The following DMXL1 variants were observed in gnomAD, a reference collection of about 807,000 sequenced individuals.
DMXL1 encodes the protein Dmx like 1.
A neutral mutation model predicts 319.2 loss-of-function variants in DMXL1; 99 were observed. The observed-to-expected ratio is 0.31, with a 90% CI of 0.26 to 0.37. The LOEUF is 0.37. DMXL1 is among the 10% of genes least tolerant of loss of function. The pLI is 1.00. For missense variants in DMXL1, 3,745 were observed against 3,595.6 expected, an observed-to-expected ratio of 1.04 and a Z score of -1.06; for synonymous variants, 1,385 against 1,235.2, an observed-to-expected ratio of 1.12 and a Z score of -2.54.
chr5:119,110,386 TTG>T, intron 5 of DMXL1, 103 bp downstream of exon 5: 3 of 1,097,076 alleles, frequency 2.7e-6, no homozygotes, highest in Non-Finnish European at 2.5e-6. Context: ...ATAAAAAGTA[TTG>T]ATTTTTAGTC....
In DMXL1 at chr5:119,111,961, T is replaced by C. The variant is rs570579129; in HGVS notation, c.497+1678T>C. 1.6e-4 allele frequency among the ~76,000 whole-genome samples: 25 copies of C among 151,816 alleles called. No homozygotes were observed. The East Asian group carries it at 4.6e-3, about 28-fold the overall frequency. ...CAATAAAGCAGTACAGTTGATATTA[T>C]CTTTATTTTTTTTTTTTGAGACGAA... On this transcript the variant is annotated intron_variant, in intron 5 of 43. Coordinates refer to ENST00000539542, the MANE Select transcript of DMXL1 (RefSeq NM_001290321.3).
intron 4 of DMXL1, among the ~76,000 whole-genome samples, chr5:119,107,697 A>G (rs537984559): frequency 2.6e-5 from 4 of 152,192 alleles, no homozygotes; most frequent in Non-Finnish European, 5.9e-5. Context: ...TCTTCAGTTT[A>G]TATTAAGCAA....
At position 119,166,787 on chromosome 5, in the gene DMXL1, G is replaced by T. The variant is rs764633589; in HGVS notation, c.5136+6G>T. On this transcript the variant is annotated splice_donor_region_variant and intron_variant, in intron 22 of 43. Transcript: ENST00000539542. ...GCCTCAGAGATGCAATTGAGGTAAT[G>T]AGTGAAATTTAAATAACAAAGTATA... 2.1e-5 allele frequency: 33 copies of T among 1,595,890 alleles called. No homozygotes were observed. In the East Asian group the frequency reaches 7.2e-4, roughly 35 times the overall value.
Position 119,133,135 on chromosome 5 carries a change from C to T in DMXL1, c.1319C>T (p.Thr440Ile). ...TCATGAACTCTTTTGCTTATAGAAA[C>T]TGATGATGGTGTTGATGATCTGAAA... ...NQADVKSDEE[T>I]DDGVDDLKIN... The change falls in exon 11 of 44, where the codon ACT becomes ATT. Residue 440 changes from threonine (T) to isoleucine (I), a missense_variant. Transcript: ENST00000539542. The T allele has an allele frequency of 1.9e-6, 3 of 1,613,790 alleles. No individual in the cohort carries two copies. Among genetic ancestry groups the T allele is most frequent in the Non-Finnish European group, 2.5e-6 (3 of 1,179,808 alleles).
chr5:119,241,735 G>C (rs1178233424), intron 42 of DMXL1, among the ~76,000 whole-genome samples: 2 of 152,088 alleles, frequency 1.3e-5, no homozygotes, highest in African/African-American at 2.4e-5. Flanking sequence ...GGTTTACACT[G>C]TTGCACTAAA....
intron 34 of DMXL1, among the ~76,000 whole-genome samples, chr5:119,210,359 C>G (rs1782532734): frequency 6.6e-6 from 1 of 152,138 alleles, no homozygotes; most frequent in African/African-American, 2.4e-5. Context: ...TTTGCCTAAC[C>G]TAAGATCACA....
chr5:119,169,387 A>G (rs555352001), intron 23 of DMXL1, among the ~76,000 whole-genome samples: 2 of 152,328 alleles, frequency 1.3e-5, no homozygotes, highest in South Asian at 4.1e-4. Flanking sequence ...GATTGATTAC[A>G]TAGGACTGGA....
At position 119,197,892 on chromosome 5, in the gene DMXL1, T is replaced by C. The variant is rs1779935852; in HGVS notation, c.7681T>C (p.Leu2561=). Residue 2561 remains leucine, a synonymous_variant, in exon 32 of 44, where the codon TTG becomes CTG. Transcript: ENST00000539542. ...CGCAAGTCATACCGCCGAAGAGAGT[T>C]TGTCTGCAGGTCCTGCAATTCTTCG... ...YIASHTAEES[L]SAGPAILRHK... 1 of 1,614,120 alleles carries C rather than the reference T, an allele frequency of 6.2e-7. No homozygotes were observed. Among genetic ancestry groups the C allele is most frequent in the Non-Finnish European group, 8.5e-7 (1 of 1,180,040 alleles).
intron 5 of DMXL1, among the ~76,000 whole-genome samples, chr5:119,111,966 AT>A (rs1293661654): frequency 3.9e-4 from 58 of 147,816 alleles, no homozygotes; most frequent in Middle Eastern, 3.5e-3. Context: ...TATTATCTTT[AT>A]TTTTTTTTTT....
rs1763933799 is a variant in DMXL1 at position 119,127,773 on chromosome 5, A to G, written c.1103-1438A>G. 3 of 257,364 alleles carry G rather than the reference A, an allele frequency of 1.2e-5. No homozygotes were observed. In the South Asian group the frequency reaches 1.3e-4, roughly 11 times the overall value. The allele number at this position is 257,364 out of a possible 1,614,324, so 15.9% of individuals were successfully genotyped here. A position where few individuals can be genotyped will look rare whatever the true frequency, so the allele number is the denominator to read the frequency against. On this transcript the variant is annotated intron_variant, in intron 9 of 43. Transcript: ENST00000539542. ...TCTTTTTAACAAGTTTATTTTCTTC[A>G]TCATGTGTTTTTGGAAATTCATATA...
At chr5:119,161,143 G>C (rs1772180327) in intron 19 of DMXL1, among the ~76,000 whole-genome samples, 1 of 152,208 alleles carries the variant, frequency 6.6e-6, no homozygotes, top group Non-Finnish European at 1.5e-5. Flanking sequence ...GCGTGGTTCA[G>C]CCTGAAATGA....
chr5:119,092,518 TA>T (rs1755015151), intron 1 of DMXL1, among the ~76,000 whole-genome samples: 1 of 152,224 alleles, frequency 6.6e-6, no homozygotes, highest in South Asian at 2.1e-4. Context: ...TTACATACCA[TA>T]AAGTTCACCC....
rs1188078483 is a variant in DMXL1 at position 119,197,835 on chromosome 5, G to A, written c.7624G>A (p.Glu2542Lys). ...GGAACAAGTTCTTCTCCGACGACTT[G>A]AAATCCATGGTGGGCCACCTCAAAA... Reference protein sequence around the residue: ...CWEQVLLRRLEIHGGPPQNYI... With the variant: ...CWEQVLLRRLKIHGGPPQNYI... The change falls in exon 32 of 44, where the codon GAA becomes AAA. Residue 2542 changes from glutamate to lysine, a missense_variant. Physicochemically the swap from Glu to Lys is moderately conservative, Grantham distance 56. Around this residue, in one of 4 missense-constraint regions of DMXL1, gnomAD observed 1,382 missense variants for 1,269.5 expected, o/e 1.09. Transcript: ENST00000539542. 4 of 1,614,024 alleles carry A rather than the reference G, an allele frequency of 2.5e-6. No individual in the cohort carries two copies.
chr5:119,196,511 T>G, intron 31 of DMXL1, 55 bp downstream of exon 31: 5 of 1,068,138 alleles, frequency 4.7e-6, no homozygotes, highest in Non-Finnish European at 5.4e-6. Context: ...CTTACTACTC[T>G]GTTGTTTTTT....
intron 2 of DMXL1, among the ~76,000 whole-genome samples, chr5:119,098,974 G>C (rs1278700974): frequency 2.0e-5 from 3 of 152,134 alleles, no homozygotes; most frequent in African/African-American, 7.2e-5. Flanking sequence ...GTTGCCATCT[G>C]GGACTTAAAG....
intron 38 of DMXL1, among the ~76,000 whole-genome samples, chr5:119,231,030 T>G (rs944569836): frequency 6.6e-6 from 1 of 152,224 alleles, no homozygotes; most frequent in Admixed American, 6.5e-5. Context: ...GTAAAGACTC[T>G]TTTAGAGAGA....
intron 18 of DMXL1, among the ~76,000 whole-genome samples, chr5:119,150,893 T>C (rs140776076): frequency 6.6e-6 from 1 of 152,004 alleles, no homozygotes; most frequent in African/African-American, 2.4e-5. Context: ...CAGCAAACTC[T>C]TAATATGCAC....
intron 1 of DMXL1, among the ~76,000 whole-genome samples, chr5:119,092,876 A>G (rs1164469611): frequency 6.6e-6 from 1 of 152,168 alleles, no homozygotes; most frequent in Non-Finnish European, 1.5e-5. Flanking sequence ...GATATATACT[A>G]TATTTTGTTT....
Position 119,149,600 on chromosome 5 carries a change from G to A in DMXL1, c.3773G>A (p.Ser1258Asn), listed in dbSNP as rs760784927. ...EPVITDSYSG[S>N]TPSITSLIKQ... is the part of the protein sequence containing the mutation. ...GTTATAACAGATTCGTACAGTGGGA[G>A]CACTCCATCTATAACAAGTTTAATA... The change falls in exon 18 of 44, where the codon AGC (serine) becomes AAC (asparagine). Residue 1258 changes from serine to asparagine, a missense_variant. Ser to Asn is a conservative substitution (Grantham distance 46). This residue lies in a region of DMXL1 where 2,096 missense variants were observed against 1,985.4 expected (regional missense o/e 1.06). Transcript: ENST00000539542. 5 of 1,613,786 alleles carry A rather than the reference G, an allele frequency of 3.1e-6. No homozygotes were observed. Among genetic ancestry groups the A allele is most frequent in the African/African-American group, 2.7e-5 (2 of 74,888 alleles).
Sources: gnomAD v4.1 joint callset for allele counts (sites outside exome capture counted in the v4.1 genomes callset) on GRCh38, gnomAD v4.1.1 for gene constraint, gnomAD v4.1.1 regional missense constraint, MANE v1.5 for transcripts, NCBI Gene and HGNC (gene_info 2026-07-23, HGNC 2026-07-21) for gene names.